SLC4A8: variants seen among roughly 807,000 people sequenced by gnomAD.
SLC4A8 encodes solute carrier family 4 member 8.
SLC4A8 carries 40 observed loss-of-function variants against 125.0 expected under a neutral mutation model. The ratio of observed to expected loss-of-function variants is 0.32; its 90% CI spans 0.25 to 0.42. SLC4A8 has a LOEUF of 0.42. SLC4A8 is among the 10% of genes least tolerant of loss of function. SLC4A8 has a pLI of 1.00. For missense variants in SLC4A8, 863 were observed against 1,355.1 expected, an observed-to-expected ratio of 0.64 and a Z score of 5.70; for synonymous variants, 456 against 476.0, an observed-to-expected ratio of 0.96 and a Z score of 0.55.
chr12:51,444,405 T>C (rs1482735382), intron 2 of SLC4A8, among the ~76,000 whole-genome samples: 1 of 152,226 alleles, frequency 6.6e-6, no homozygotes, highest in Non-Finnish European at 1.5e-5. Context: ...TTGATTTCAT[T>C]TCTGCCTGTC....
intron 22 of SLC4A8, chr12:51,501,975 A>T (rs1439332555): frequency 6.6e-6 from 1 of 152,116 alleles, no homozygotes; most frequent in Admixed American, 6.5e-5. Flanking sequence ...GTCTGTTCAT[A>T]TCCTTTGCCC....
intron 16 of SLC4A8, among the ~76,000 whole-genome samples, chr12:51,479,744 A>G (rs547137368): frequency 6.6e-6 from 1 of 152,130 alleles, no homozygotes; most frequent in Admixed American, 6.5e-5. Context: ...TGAGCAAAAT[A>G]CATATTTTAT....
chr12:51,512,770 T>C lies in SLC4A8; in HGVS notation c.*5332T>C, dbSNP rs904422115. 18 of 152,176 alleles carry C rather than the reference T, an allele frequency of 1.2e-4. No homozygotes were observed. The highest frequency in any genetic ancestry group is 3.9e-4 in the African/African-American group (16 of 41,440). The allele number at this position is 152,176 out of a possible 1,614,324, so 9.4% of individuals were successfully genotyped here. On this transcript the variant is annotated 3_prime_UTR_variant, in exon 25 of 25. Transcript: ENST00000453097. ...TATCTGGAGGGACATTAAAAAAATA[T>C]GGCCATTCTCCCATCTAGGGGGTTC...
chr12:51,498,097 A>T (rs993730026), intron 22 of SLC4A8, among the ~76,000 whole-genome samples: 3 of 151,874 alleles, frequency 2.0e-5, no homozygotes, highest in Non-Finnish European at 4.4e-5. Context: ...CTTGAACTTT[A>T]AAAATCTTGT....
chr12:51,500,841 T>C (rs1199401491), intron 22 of SLC4A8, among the ~76,000 whole-genome samples: 1 of 144,184 alleles, frequency 6.9e-6, no homozygotes, highest in African/African-American at 2.5e-5. Context: ...CTCTCGCCCC[T>C]GCGCCTGGCT....
At chr12:51,425,671 G>T (rs1331993169) in intron 1 of SLC4A8, among the ~76,000 whole-genome samples, 1 of 152,166 alleles carries the variant, frequency 6.6e-6, no homozygotes, top group Non-Finnish European at 1.5e-5. Flanking sequence ...TAAGTAACTG[G>T]TATTGGAACT....
intron 1 of SLC4A8, among the ~76,000 whole-genome samples, chr12:51,430,613 T>G (rs1215100248): frequency 2.0e-5 from 3 of 152,042 alleles, no homozygotes; most frequent in South Asian, 4.1e-4. Context: ...GTGGGCAGAC[T>G]TGTCAAGCAG....
At chr12:51,484,013 T>C (rs995473268) in intron 16 of SLC4A8, among the ~76,000 whole-genome samples, 2 of 152,158 alleles carry the variant, frequency 1.3e-5, no homozygotes, top group African/African-American at 2.4e-5. Context: ...CTTGTGATAG[T>C]TTGCTCAGAA....
intron 1 of SLC4A8, among the ~76,000 whole-genome samples, chr12:51,436,594 CTTCTT>C (rs1949424412): frequency 6.6e-6 from 1 of 151,910 alleles, no homozygotes; most frequent in Admixed American, 6.6e-5. Context: ...GTGACTTTTT[CTTCTT>C]TTATTTGTTA....
At chr12:51,482,106 T>A in intron 16 of SLC4A8, among the ~76,000 whole-genome samples, 1 of 152,176 alleles carries the variant, frequency 6.6e-6, no homozygotes, top group East Asian at 1.9e-4. Flanking sequence ...ATGTGGATAG[T>A]CAATAGCTAC....
intron 19 of SLC4A8, 59 bp downstream of exon 19, chr12:51,490,010 T>G: frequency 6.5e-7 from 1 of 1,540,040 alleles, no homozygotes; most frequent in East Asian, 2.2e-5. Flanking sequence ...CCAGGAATCC[T>G]GCCAGGTGCT....
intron 1 of SLC4A8, among the ~76,000 whole-genome samples, chr12:51,427,560 G>A: frequency 6.6e-6 from 1 of 152,160 alleles, no homozygotes; most frequent in Non-Finnish European, 1.5e-5. Context: ...TTGAGAGATA[G>A]GGAGGAAAAG....
At position 51,510,437 on chromosome 12, in the gene SLC4A8, A is replaced by G. The variant is rs1938327398; in HGVS notation, c.*2999A>G. The G allele has an allele frequency of 6.6e-6, 1 of 152,046 alleles. No homozygotes were observed. The highest frequency in any genetic ancestry group is 2.4e-5 in the African/African-American group (1 of 41,414). The allele number at this position is 152,046 out of a possible 1,614,324, so 9.4% of individuals were successfully genotyped here. On this transcript the variant is annotated 3_prime_UTR_variant, in exon 25 of 25. Transcript: ENST00000453097. ...AGACTCCATTTCAAAAAAAAAAAAA[A>G]AAAAAAACTTCCCAATAGGAGGTAT...
intron 19 of SLC4A8, among the ~76,000 whole-genome samples, chr12:51,491,388 C>G (rs994888730): frequency 6.6e-6 from 1 of 152,098 alleles, no homozygotes; most frequent in African/African-American, 2.4e-5. Context: ...GCAACAGAGT[C>G]TCAGAAGGAG....
At chr12:51,492,849 C>A (rs1032667916) in intron 19 of SLC4A8, among the ~76,000 whole-genome samples, 1 of 151,620 alleles carries the variant, frequency 6.6e-6, no homozygotes, top group Non-Finnish European at 1.5e-5. Flanking sequence ...TTGCCCCCCA[C>A]CCCCCAACAG....
At chr12:51,424,035 T>TC (rs1223644738), upstream of SLC4A8, among the ~76,000 whole-genome samples, 13 of 10,596 alleles carry the variant, frequency 1.2e-3, no homozygotes, top group South Asian at 0.01. Flanking sequence ...AAACTTCGTC[T>TC]CCAAAAAAAA....
At chr12:51,423,893 G>A (rs1430608452), upstream of SLC4A8, among the ~76,000 whole-genome samples, 1 of 151,730 alleles carries the variant, frequency 6.6e-6, no homozygotes, top group African/African-American at 2.4e-5. Context: ...AAAATCAGCC[G>A]GGCGTGGTGG....
intron 11 of SLC4A8, among the ~76,000 whole-genome samples, chr12:51,464,971 G>A (rs549514611): frequency 6.6e-6 from 1 of 152,252 alleles, no homozygotes; most frequent in South Asian, 2.1e-4. Context: ...CTCTGGGAGG[G>A]AGCATTGGTG....
rs1356868625 is a variant in SLC4A8 at position 51,471,322 on chromosome 12, G to C, written c.1694G>C (p.Cys565Ser). Residue 565 changes from cysteine to serine, a missense_variant, in exon 14 of 25, where the codon TGT (cysteine) becomes TCT (serine). Cys to Ser is a moderately radical substitution (Grantham distance 112). Transcript: ENST00000453097. ...YALSYLSLRA[C>S]IGLWTAFLCI... ...CTTTCATACCTCTCCCTGCGAGCTT[G>C]TATTGGACTGTGGACCGCTTTCCTG... The C allele has an allele frequency of 1.9e-6, 3 of 1,613,738 alleles. No homozygotes were observed. The highest frequency in any genetic ancestry group is 2.5e-6 in the Non-Finnish European group (3 of 1,179,996).
Sources: allele counts gnomAD v4.1 joint callset (sites outside exome capture counted in the v4.1 genomes callset), GRCh38; gene constraint gnomAD v4.1.1; transcripts MANE v1.5; gene names NCBI Gene and HGNC (gene_info 2026-07-23, HGNC 2026-07-21).